Variants in TUSC3 observed in about 807,000 individuals in gnomAD.
TUSC3 encodes the protein tumor suppressor candidate 3, also known as dolichyl-diphosphooligosaccharide--protein glycosyltransferase subunit TUSC3.
Under a neutral mutation model 44.8 loss-of-function variants are expected in TUSC3, and 45 were observed. The observed-to-expected ratio is 1.00, with a 90% CI of 0.79 to 1.29. The LOEUF is 1.29. Ranked by LOEUF, TUSC3 falls within the 50% of genes most tolerant of loss-of-function variation. The probability of loss-of-function intolerance (pLI) is 0.00; values close to 1 mark genes in which losing one functional copy is unlikely to be tolerated. For missense variants in TUSC3, 519 were observed against 437.9 expected (o/e 1.19, Z -1.65); for synonymous variants, 212 against 152.9 (o/e 1.39, Z -2.85).
rs183551692 is a variant in TUSC3 at position 15,564,351 on chromosome 8, A to G, written c.138+23783A>G. Among the ~76,000 whole-genome samples, 153 of 152,318 alleles carry G rather than the reference A, an allele frequency of 1.0e-3. 8 individuals carry two copies. The highest frequency in any genetic ancestry group is 3.4e-3 in the Middle Eastern group (1 of 294). Reference sequence around the variant, plus strand: ...TTCTTGTCTCATTTGAAATATTCATATACAAATCTTAACGTCATCCAGCTG... The same window carrying G: ...TTCTTGTCTCATTTGAAATATTCATGTACAAATCTTAACGTCATCCAGCTG... On this transcript the variant is annotated intron_variant, in intron 1 of 10. Transcript: ENST00000503731.
At chr8:15,701,345 T>C (rs1396282264) in intron 6 of TUSC3, among the ~76,000 whole-genome samples, 1 of 152,136 alleles carries the variant, frequency 6.6e-6, no homozygotes, top group Admixed American at 6.6e-5. Flanking sequence ...ATAAAATGAA[T>C]CACATAGTAT....
intron 1 of TUSC3, among the ~76,000 whole-genome samples, chr8:15,587,675 A>C (rs1803655574): frequency 6.6e-6 from 1 of 152,002 alleles, no homozygotes; most frequent in Admixed American, 6.6e-5. Flanking sequence ...TATTCCTCCT[A>C]TCTGGCTGTA....
Position 15,659,495 on chromosome 8 carries a change from C to T in TUSC3, c.427-12C>T, listed in dbSNP as rs1308464895. ...GATCCTATATTTAGTATTTTTTTCT[C>T]ATGTTTTACAGCTCAACATGAACTC... On this transcript the variant is annotated splice_polypyrimidine_tract_variant and intron_variant, in intron 3 of 10. Coordinates refer to ENST00000503731, the MANE Select transcript of TUSC3 (RefSeq NM_006765.4). 15 of 1,610,388 alleles carry T rather than the reference C, an allele frequency of 9.3e-6. No homozygotes were observed. The highest frequency in any genetic ancestry group is 1.1e-5 in the Non-Finnish European group (13 of 1,179,126).
intron 1 of TUSC3, among the ~76,000 whole-genome samples, chr8:15,549,253 A>T (rs1021363151): frequency 6.6e-6 from 1 of 151,704 alleles, no homozygotes; most frequent in Non-Finnish European, 1.5e-5. Context: ...TGCTCATTGC[A>T]ACCCCTGCCT....
chr8:15,622,359 T>C (rs1319395199), intron 1 of TUSC3, among the ~76,000 whole-genome samples: 3 of 152,002 alleles, frequency 2.0e-5, no homozygotes, highest in Admixed American at 6.6e-5. Context: ...CTTGAACTCC[T>C]TGGGCTCAAG....
chr8:15,831,502 C>T, the TUSC3 span, among the ~76,000 whole-genome samples: 1 of 151,960 alleles, frequency 6.6e-6, no homozygotes. Context: ...AAAAAAAGAT[C>T]GTTGAGATGC....
chr8:15,764,161 A>G, intron 10 of TUSC3, 42 bp from the exon 11 acceptor site: 1 of 1,536,482 alleles, frequency 6.5e-7, no homozygotes, highest in Non-Finnish European at 9.0e-7. Flanking sequence ...TATTTTCCTT[A>G]TGTTCTATGT....
At chr8:15,530,217 A>C (rs1305353150) in intron 2 of TUSC3, among the ~76,000 whole-genome samples, 1 of 151,968 alleles carries the variant, frequency 6.6e-6, no homozygotes, top group Non-Finnish European at 1.5e-5. Context: ...TTGACAAGTC[A>C]CTGATCTGCT....
chr8:15,668,902 A>G (rs1484500616), intron 5 of TUSC3, among the ~76,000 whole-genome samples: 1 of 151,754 alleles, frequency 6.6e-6, no homozygotes. Flanking sequence ...TAGAAACTTC[A>G]CAAGTCTCGA....
chr8:15,756,575 A>G (rs1432328202), intron 9 of TUSC3, among the ~76,000 whole-genome samples: 1 of 152,012 alleles, frequency 6.6e-6, no homozygotes. Context: ...TTTGATAAAA[A>G]CCTTTTATAT....
At chr8:15,696,628 G>A (rs1479722316) in intron 6 of TUSC3, among the ~76,000 whole-genome samples, 9 of 152,290 alleles carry the variant, frequency 5.9e-5, no homozygotes, top group Non-Finnish European at 1.0e-4. Context: ...CATCCCTGGT[G>A]TGAAACCCAC....
intron 8 of TUSC3, among the ~76,000 whole-genome samples, chr8:15,746,366 CAT>C (rs1406052691): frequency 1.3e-5 from 2 of 152,138 alleles, no homozygotes; most frequent in East Asian, 1.9e-4. Context: ...AGCTGGAAAA[CAT>C]ATTTTAAAAC....
chr8:15,462,790 C>T (rs1013088873), intron 1 of TUSC3, among the ~76,000 whole-genome samples: 5 of 152,094 alleles, frequency 3.3e-5, no homozygotes, highest in African/African-American at 1.2e-4. Context: ...TCAGAAATAA[C>T]TTCCAACAGT....
the TUSC3 span, among the ~76,000 whole-genome samples, chr8:15,851,265 T>A: frequency 6.6e-6 from 1 of 152,208 alleles, no homozygotes; most frequent in African/African-American, 2.4e-5. Context: ...TTATTGAGCA[T>A]CTTTTATAGG....
At chr8:15,760,506 G>A (rs922564804) in intron 10 of TUSC3, among the ~76,000 whole-genome samples, 1 of 152,092 alleles carries the variant, frequency 6.6e-6, no homozygotes, top group African/African-American at 2.4e-5. Context: ...TTTAATACAA[G>A]ACTAAGTAAC....
At chr8:15,477,663 A>C (rs911619511) in intron 1 of TUSC3, among the ~76,000 whole-genome samples, 1 of 152,132 alleles carries the variant, frequency 6.6e-6, no homozygotes, top group Non-Finnish European at 1.5e-5. Context: ...CAGAGCTTTC[A>C]GTGAGCCAAG....
intron 2 of TUSC3, among the ~76,000 whole-genome samples, chr8:15,624,869 C>G (rs116913460): frequency 2.4e-4 from 37 of 152,118 alleles, no homozygotes; most frequent in South Asian, 6.2e-4. Context: ...TTCCTTAGCC[C>G]TAGATCCCAA....
intron 1 of TUSC3, among the ~76,000 whole-genome samples, chr8:15,610,323 C>A (rs1003524516): frequency 1.3e-5 from 2 of 152,210 alleles, no homozygotes; most frequent in African/African-American, 4.8e-5. Flanking sequence ...TAAGGTATAG[C>A]AACATCTAAC....
At chr8:15,527,006 T>G (rs944193320) in intron 2 of TUSC3, among the ~76,000 whole-genome samples, 2 of 152,250 alleles carry the variant, frequency 1.3e-5, no homozygotes, top group African/African-American at 2.4e-5. Context: ...TGTGAATTCA[T>G]AGCAAAGTAC....
Sources: allele counts gnomAD v4.1 joint callset (sites outside exome capture counted in the v4.1 genomes callset), GRCh38; gene constraint gnomAD v4.1.1; transcripts MANE v1.5; gene names NCBI Gene and HGNC (gene_info 2026-07-23, HGNC 2026-07-21).